Variants in GLOD4 observed in about 807,000 individuals in gnomAD.
GLOD4 encodes the protein glyoxalase domain containing 4, also known as glyoxalase domain-containing protein 4.
Under a neutral mutation model 39.1 loss-of-function variants are expected in GLOD4, and 44 were observed. The ratio of observed to expected loss-of-function variants is 1.13; its 90% CI spans 0.88 to 1.45. GLOD4 has a LOEUF of 1.45. Ranked by LOEUF, GLOD4 falls within the 40% of genes most tolerant of loss-of-function variation. GLOD4 has a pLI of 0.00. For missense variants in GLOD4, 405 were observed against 366.4 expected (o/e 1.11, Z -0.86); for synonymous variants, 145 against 135.0 (o/e 1.07, Z -0.52).
At chr17:784,703 A>G (rs1910450314), upstream of GLOD4, among the ~76,000 whole-genome samples, 1 of 152,214 alleles carries the variant, frequency 6.6e-6, no homozygotes, top group Non-Finnish European at 1.5e-5. Context: ...AGGAACTGGC[A>G]GCACCTGTCA....
chr17:768,397 A>G lies in GLOD4; in HGVS notation c.831+1472T>C, dbSNP rs147305297. On this transcript the variant is annotated intron_variant, in intron 8 of 8. Coordinates refer to ENST00000301329, the MANE Select transcript of GLOD4 (RefSeq NM_016080.4). ...GAAATCTGGAGAGGACGTAAGAGAG[A>G]GAAACAGCGCGCGCTCAGATTTTTA... is the stretch of plus-strand genomic sequence containing the variant. Among the ~76,000 whole-genome samples the G allele has an allele frequency of 7.7e-3, 1,146 of 147,902 alleles. 4 individuals are homozygous for G. Among genetic ancestry groups the G allele is most frequent in the East Asian group, 0.034 (159 of 4,732 alleles).
At chr17:761,972 G>A (rs1306883702) in intron 8 of GLOD4, among the ~76,000 whole-genome samples, 1 of 152,216 alleles carries the variant, frequency 6.6e-6, no homozygotes, top group Non-Finnish European at 1.5e-5. Flanking sequence ...GAAGGTCAGA[G>A]GGTAGAGAAT....
At chr17:783,286 T>C, upstream of GLOD4, 3 of 1,613,712 alleles carry the variant, frequency 1.9e-6, no homozygotes, top group Middle Eastern at 1.7e-4. Context: ...TTTGAGGATA[T>C]CAAGGATTGG....
intron 4 of GLOD4, among the ~76,000 whole-genome samples, chr17:772,413 C>A (rs1461774975): frequency 2.0e-5 from 3 of 151,358 alleles, no homozygotes; most frequent in African/African-American, 7.3e-5. Flanking sequence ...GAAGATTTTT[C>A]TTTAAACCTG....
upstream of GLOD4, chr17:783,156 C>CT: frequency 6.2e-7 from 1 of 1,614,054 alleles, no homozygotes; most frequent in Non-Finnish European, 8.5e-7. Flanking sequence ...AGGTCGCAGG[C>CT]TCATTTCAGA....
upstream of GLOD4, among the ~76,000 whole-genome samples, chr17:785,468 C>T (rs960023853): frequency 1.3e-5 from 2 of 152,050 alleles, no homozygotes; most frequent in African/African-American, 4.8e-5. Flanking sequence ...GAGAATTTTC[C>T]ACTAAGAAGG....
chr17:760,649 A>T (rs891296532), intron 8 of GLOD4, among the ~76,000 whole-genome samples: 1 of 152,236 alleles, frequency 6.6e-6, no homozygotes. Flanking sequence ...CTTTAGTGTC[A>T]TGAAACTCAG....
chr17:782,615 C>T (rs1187647300), upstream of GLOD4: 1 of 1,613,946 alleles, frequency 6.2e-7, no homozygotes, highest in Non-Finnish European at 8.5e-7. Context: ...TCGAGGAGTC[C>T]GCATCCCGCG....
intron 8 of GLOD4, among the ~76,000 whole-genome samples, chr17:768,611 G>C (rs1466586776): frequency 7.6e-6 from 1 of 131,470 alleles, no homozygotes; most frequent in Non-Finnish European, 1.6e-5. Context: ...GAGGACGTGA[G>C]AGAGAGAAAC....
At chr17:774,147 C>T (rs1419588002) in intron 4 of GLOD4, among the ~76,000 whole-genome samples, 3 of 152,186 alleles carry the variant, frequency 2.0e-5, no homozygotes, top group African/African-American at 7.2e-5. Context: ...CCCTTTAAAT[C>T]ACCAGTGAGG....
intron 1 of GLOD4, among the ~76,000 whole-genome samples, chr17:780,035 G>C (rs1046342197): frequency 1.3e-5 from 2 of 152,096 alleles, no homozygotes; most frequent in South Asian, 2.1e-4. Flanking sequence ...GTGGTGGCGG[G>C]CGCCTGTAGT....
Position 776,185 on chromosome 17 carries a change from C to T in GLOD4, c.262-266G>A, listed in dbSNP as rs916806753. Among the ~76,000 whole-genome samples the T allele has an allele frequency of 6.6e-5, 10 of 152,348 alleles. No individual in the cohort carries two copies. In the South Asian group the frequency reaches 1.2e-3, roughly 19 times the overall value. On this transcript the variant is annotated intron_variant, in intron 3 of 8. Transcript: ENST00000301329. ...ACACCAAAGATAACGTCTTCTAATT[C>T]TAAAGATCTAGCCACAGAAATCTTG...
chr17:777,096 A>AGAGAACTTTTAGGACC, intron 2 of GLOD4, 108 bp from the exon 3 acceptor site: 1 of 1,030,454 alleles, frequency 9.7e-7, no homozygotes. Flanking sequence ...CTGGTCCTAA[A>AGAGAACTTTTAGGACC]AGTTCTCTTA....
intron 4 of GLOD4, among the ~76,000 whole-genome samples, chr17:774,732 T>C (rs1350360021): frequency 1.3e-5 from 2 of 152,110 alleles, no homozygotes; most frequent in African/African-American, 4.8e-5. Flanking sequence ...AACAGGAAGT[T>C]TGCTGGAAGA....
chr17:775,252 CAG>C (rs1908702303), intron 4 of GLOD4, among the ~76,000 whole-genome samples: 1 of 151,040 alleles, frequency 6.6e-6, no homozygotes, highest in African/African-American at 2.4e-5. Flanking sequence ...GCCGGACTGA[CAG>C]AGTCTCAAAA....
Position 769,864 on chromosome 17 carries a change from C to T in GLOD4, c.831+5G>A. ...TGGTGACATAAATGTAGAAATGGGA[C>T]TCACATCATCCAACAATTTGCTTCC... On this transcript the variant is annotated splice_donor_5th_base_variant and intron_variant, in intron 8 of 8. Coordinates refer to ENST00000301329, the MANE Select transcript of GLOD4 (RefSeq NM_016080.4). 1 of 1,519,464 alleles carries T rather than the reference C, an allele frequency of 6.6e-7. No homozygotes were observed. 94.1% of individuals were successfully genotyped at this position (1,519,464 alleles called of 1,614,324 possible). A position where few individuals can be genotyped will look rare whatever the true frequency, so the allele number is the denominator to read the frequency against.
chr17:768,261 A>G (rs1907099357), intron 8 of GLOD4, among the ~76,000 whole-genome samples: 1 of 142,532 alleles, frequency 7.0e-6, no homozygotes, highest in Non-Finnish European at 1.5e-5. Context: ...TTTAGAAGAA[A>G]TCTGGAGAGG....
Position 769,782 on chromosome 17 carries a change from G to A in GLOD4, c.831+87C>T. 4.7e-6 allele frequency: 4 copies of A among 853,716 alleles called. No homozygotes were observed. In the Admixed American group the frequency reaches 7.0e-5, roughly 15 times the overall value. The allele number at this position is 853,716 out of a possible 1,614,324, so 52.9% of individuals were successfully genotyped here. On this transcript the variant is annotated intron_variant, in intron 8 of 8. Transcript: ENST00000301329. Reference sequence around the variant, plus strand: ...GACGTGGTTCTGACATTAAGAACCTGGACCCTGTTGCTTAGTCTCCTCCCA... The same window carrying A: ...GACGTGGTTCTGACATTAAGAACCTAGACCCTGTTGCTTAGTCTCCTCCCA...
At chr17:777,235 G>T in intron 2 of GLOD4, 1 of 538,360 alleles carries the variant, frequency 1.9e-6, no homozygotes, top group Non-Finnish European at 3.3e-6. Context: ...TGTAAAGCAA[G>T]GAACAGAATC....
Sources: allele counts gnomAD v4.1 joint callset (sites outside exome capture counted in the v4.1 genomes callset), GRCh38; gene constraint gnomAD v4.1.1; transcripts MANE v1.5; gene names NCBI Gene and HGNC (gene_info 2026-07-23, HGNC 2026-07-21).